The following RALGAPB variants were observed in gnomAD, a reference collection of about 807,000 sequenced individuals.
The protein encoded by RALGAPB is ral GTPase-activating protein subunit beta.
Under a neutral mutation model 161.1 loss-of-function variants are expected in RALGAPB, and 25 were observed. The observed-to-expected ratio is 0.16, with a 90% CI of 0.11 to 0.22. The LOEUF (loss-of-function observed/expected upper bound fraction) is 0.22. Ranked by LOEUF, RALGAPB falls within the 10% of genes least tolerant of loss-of-function variation. The probability of loss-of-function intolerance (pLI) is 1.00; values close to 1 mark genes in which losing one functional copy is unlikely to be tolerated. For missense variants in RALGAPB, 1,391 were observed against 1,815.2 expected (o/e 0.77, Z 4.25); for synonymous variants, 629 against 626.1 (o/e 1.00, Z -0.07).
At chr20:38,505,040 A>G (rs2085717394) in intron 5 of RALGAPB, among the ~76,000 whole-genome samples, 1 of 152,224 alleles carries the variant, frequency 6.6e-6, no homozygotes, top group South Asian at 2.1e-4. Flanking sequence ...AAGAACTTAA[A>G]ATACGACTAC....
At chr20:38,554,335 A>G (rs555674457) in intron 22 of RALGAPB, among the ~76,000 whole-genome samples, 3 of 152,228 alleles carry the variant, frequency 2.0e-5, no homozygotes, top group Admixed American at 6.5e-5. Flanking sequence ...GAATTTTCCT[A>G]GATAACACAG....
intron 21 of RALGAPB, 84 bp downstream of exon 21, chr20:38,551,307 G>A: frequency 6.9e-7 from 1 of 1,443,754 alleles, no homozygotes; most frequent in South Asian, 1.2e-5. Flanking sequence ...TGCTTTTAGT[G>A]TTGTTGGAGA....
intron 4 of RALGAPB, among the ~76,000 whole-genome samples, chr20:38,498,442 C>G (rs909333881): frequency 6.6e-6 from 1 of 152,164 alleles, no homozygotes; most frequent in African/African-American, 2.4e-5. Context: ...CACACAGATG[C>G]AGTATTCAGG....
chr20:38,554,113 C>T, intron 22 of RALGAPB, 37 bp downstream of exon 22: 1 of 1,476,026 alleles, frequency 6.8e-7, no homozygotes. Context: ...AATATATTCA[C>T]AAGTTAACAT....
chr20:38,536,761 T>C (rs1347864929), intron 16 of RALGAPB, among the ~76,000 whole-genome samples: 1 of 152,346 alleles, frequency 6.6e-6, no homozygotes, highest in Non-Finnish European at 1.5e-5. Flanking sequence ...GTTCAAATCC[T>C]TATTTTTCAG....
chr20:38,499,874 A>T (rs560250423), intron 5 of RALGAPB: 4 of 303,256 alleles, frequency 1.3e-5, no homozygotes, highest in African/African-American at 6.4e-5. Context: ...CCACAAAAAA[A>T]TTCCACTCTT....
At position 38,516,321 on chromosome 20, in the gene RALGAPB, A is replaced by G; in HGVS notation, c.1002A>G (p.Ile334Met). The G allele has an allele frequency of 6.2e-7, 1 of 1,613,914 alleles. No individual in the cohort carries two copies. The highest frequency in any genetic ancestry group is 8.5e-7 in the Non-Finnish European group (1 of 1,179,948). ...QYPCLKHLPQ[I>M]FFRAMRGISC... ...CCTGCCTTAAACATCTGCCTCAAAT[A>G]TTTTTTCGTGCCATGCGTGGAATCA... Residue 334 changes from isoleucine (I) to methionine (M), a missense_variant, in exon 7 of 30, where the codon ATA becomes ATG. By Grantham distance (10) the Ile-to-Met change is conservative. Coordinates refer to ENST00000262879, the MANE Select transcript of RALGAPB (RefSeq NM_020336.4).
intron 9 of RALGAPB, chr20:38,520,144 G>A (rs567582348): frequency 6.4e-6 from 2 of 311,168 alleles, no homozygotes; most frequent in African/African-American, 2.3e-5. Context: ...AAGCTAAAAA[G>A]CTTCTTAATT....
chr20:38,538,894 C>G (rs2086886201), intron 16 of RALGAPB, among the ~76,000 whole-genome samples: 1 of 152,112 alleles, frequency 6.6e-6, no homozygotes, highest in Admixed American at 6.5e-5. Flanking sequence ...TAATTCCACT[C>G]CTAGGAGATA....
At chr20:38,551,020 A>T in intron 20 of RALGAPB, 51 bp from the exon 21 acceptor site, 1 of 1,575,156 alleles carries the variant, frequency 6.3e-7, no homozygotes, top group Non-Finnish European at 8.7e-7. Flanking sequence ...ATGTCATTAC[A>T]GATGGGTATT....
At chr20:38,519,588 A>C (rs7274118) in intron 9 of RALGAPB, among the ~76,000 whole-genome samples, 11,146 of 152,194 alleles carry the variant, frequency 0.073, 1,427 homozygotes, top group African/African-American at 0.25. Flanking sequence ...AGAAGATAAA[A>C]ACCAGACTTC....
chr20:38,517,538 C>G lies in RALGAPB; in HGVS notation c.1084C>G (p.Pro362Ala). 6.2e-7 allele frequency: 1 copy of G among 1,610,690 alleles called. No homozygotes were observed. The highest frequency in any genetic ancestry group is 1.3e-5 in the African/African-American group (1 of 74,596). Residue 362 changes from proline to alanine, a missense_variant, in exon 8 of 30, where the codon CCA (proline) becomes GCA (alanine). Around this residue, in one of 3 missense-constraint regions of RALGAPB, gnomAD observed 946 missense variants for 1,257.2 expected, o/e 0.75. Transcript: ENST00000262879. ...ISRPRSDSAP[P>A]TPVNRLSMPQ... ...TAGACCCCGATCAGACAGTGCTCCCCCAACACCCGTGAATAGATTAAGTAT... is the reference window on the plus strand; with the variant it reads ...TAGACCCCGATCAGACAGTGCTCCCGCAACACCCGTGAATAGATTAAGTAT...
intron 2 of RALGAPB, among the ~76,000 whole-genome samples, chr20:38,490,261 T>C (rs1259863260): frequency 6.6e-6 from 1 of 152,164 alleles, no homozygotes; most frequent in Non-Finnish European, 1.5e-5. Flanking sequence ...CAGGCTGGAG[T>C]GCAGTGGCAT....
At chr20:38,557,630 C>T (rs1445702023) in intron 22 of RALGAPB, among the ~76,000 whole-genome samples, 1 of 152,196 alleles carries the variant, frequency 6.6e-6, no homozygotes, top group African/African-American at 2.4e-5. Flanking sequence ...AGTCCTGTCA[C>T]ACTGGCTTTT....
intron 23 of RALGAPB, among the ~76,000 whole-genome samples, chr20:38,559,851 G>GA (rs748533377): frequency 5.3e-5 from 8 of 152,168 alleles, no homozygotes; most frequent in Non-Finnish European, 1.5e-5. Context: ...AGGAATAATT[G>GA]AAATATGGAA....
intron 6 of RALGAPB, among the ~76,000 whole-genome samples, chr20:38,512,242 A>C (rs1014925996): frequency 6.6e-6 from 1 of 152,232 alleles, no homozygotes; most frequent in African/African-American, 2.4e-5. Flanking sequence ...AGAGCTCTGA[A>C]TATTTCACTG....
At chr20:38,491,344 T>TC (rs1195147169) in intron 2 of RALGAPB, among the ~76,000 whole-genome samples, 3 of 151,504 alleles carry the variant, frequency 2.0e-5, no homozygotes, top group Admixed American at 2.0e-4. Flanking sequence ...TTTTTTTTTT[T>TC]CCCCTAAGTT....
intron 13 of RALGAPB, among the ~76,000 whole-genome samples, chr20:38,530,090 A>G (rs527848092): frequency 8.5e-5 from 13 of 152,316 alleles, no homozygotes; most frequent in African/African-American, 2.9e-4. Flanking sequence ...GTCAAGGTTC[A>G]TGGTGTTGCA....
At chr20:38,555,997 C>T (rs1429649699) in intron 22 of RALGAPB, among the ~76,000 whole-genome samples, 1 of 152,054 alleles carries the variant, frequency 6.6e-6, no homozygotes, top group Admixed American at 6.5e-5. Context: ...ATTAATAAAG[C>T]TATTAAGAAA....
Sources: allele counts gnomAD v4.1 joint callset (sites outside exome capture counted in the v4.1 genomes callset), GRCh38; gene constraint gnomAD v4.1.1; regional missense constraint gnomAD v4.1.1; transcripts MANE v1.5; gene names NCBI Gene and HGNC (gene_info 2026-07-23, HGNC 2026-07-21).